THAP5: variants seen among roughly 807,000 people sequenced by gnomAD.
THAP5 encodes THAP domain containing 5, also known as THAP domain-containing protein 5.
Under a neutral mutation model 34.0 loss-of-function variants are expected in THAP5, and 26 were observed. The observed-to-expected ratio is 0.77, with a 90% CI of 0.56 to 1.06. THAP5 has a LOEUF of 1.06. Among genes scored for constraint, THAP5 ranks in the 50% least tolerant of loss-of-function variants. The pLI is 0.00. For missense variants in THAP5, 394 were observed against 452.8 expected (o/e 0.87, Z 1.18); for synonymous variants, 125 against 153.0 (o/e 0.82, Z 1.35).
chr7:108,545,302 T>C, the THAP5 span, among the ~76,000 whole-genome samples: 1 of 152,252 alleles, frequency 6.6e-6, no homozygotes, highest in South Asian at 2.1e-4. Context: ...TTTTCATGTC[T>C]AATAGATTAG....
At chr7:108,558,381 G>GTGTATATATATA (rs1321603472), downstream of THAP5, among the ~76,000 whole-genome samples, 18 of 93,820 alleles carry the variant, frequency 1.9e-4, no homozygotes, top group Non-Finnish European at 3.5e-4. Flanking sequence ...GTGTGTGTAT[G>GTGTATATATATA]TATATATATA....
In THAP5 at chr7:108,564,528, G is replaced by C. The variant is rs746472435; in HGVS notation, c.851C>G (p.Ser284Ter). ...IFVPAENSKP[S>*]VNSFISAQKE... ...TTGTGCAGATATAAAAGAATTAACTGAGGGTTTAGAATTTTCAGCAGGTAC... is the reference window on the plus strand; with the variant it reads ...TTGTGCAGATATAAAAGAATTAACTCAGGGTTTAGAATTTTCAGCAGGTAC... The change falls in exon 3 of 3, where the codon TCA becomes TGA. Residue 284 changes from serine (S) to a stop codon, truncating the protein, a stop_gained. Transcript: ENST00000415914. LOFTEE classifies it high-confidence loss of function. 5 of 1,613,718 alleles carry C rather than the reference G, an allele frequency of 3.1e-6. No individual in the cohort carries two copies. Among genetic ancestry groups the C allele is most frequent in the Admixed American group, 1.7e-5 (1 of 59,966 alleles).
intron 1 of THAP5, 135 bp downstream of exon 1, chr7:108,569,355 C>G (rs1327083695): frequency 9.3e-6 from 14 of 1,500,594 alleles, no homozygotes; most frequent in Non-Finnish European, 1.2e-5. Flanking sequence ...TTCCCTCCGT[C>G]TTGCCGCGGG....
downstream of THAP5, among the ~76,000 whole-genome samples, chr7:108,560,120 ATGT>A (rs1864415967): frequency 6.6e-6 from 1 of 152,178 alleles, no homozygotes; most frequent in African/African-American, 2.4e-5. Context: ...ATAAGATTAC[ATGT>A]TGTCTTGTAC....
downstream of THAP5, among the ~76,000 whole-genome samples, chr7:108,558,415 T>TATATATATA (rs1554694595): frequency 1.6e-4 from 10 of 61,178 alleles, no homozygotes; most frequent in African/African-American, 3.4e-4. Context: ...ATATATATAT[T>TATATATATA]TAGACAGAGT....
intron 1 of THAP5, among the ~76,000 whole-genome samples, chr7:108,556,891 T>G (rs1274190560): frequency 2.6e-5 from 4 of 152,266 alleles, no homozygotes; most frequent in Non-Finnish European, 5.9e-5. Context: ...TGCAGCAGAC[T>G]TCTGCCTGGA....
the THAP5 span, among the ~76,000 whole-genome samples, chr7:108,544,897 AG>A: frequency 6.6e-6 from 1 of 152,146 alleles, no homozygotes; most frequent in Non-Finnish European, 1.5e-5. Context: ...GGGCTCAAGC[AG>A]TCTGCTAGTC....
chr7:108,549,376 T>C, the THAP5 span, among the ~76,000 whole-genome samples: 1 of 152,160 alleles, frequency 6.6e-6, no homozygotes, highest in African/African-American at 2.4e-5. Context: ...CGCCTCGGCC[T>C]CCCAAAGTGC....
downstream of THAP5, among the ~76,000 whole-genome samples, chr7:108,558,381 G>GTATATATATA (rs66806128): frequency 5.1e-3 from 482 of 93,784 alleles, 8 homozygotes; most frequent in East Asian, 0.016. Flanking sequence ...GTGTGTGTAT[G>GTATATATATA]TATATATATA....
intron 2 of THAP5, 61 bp from the exon 3 acceptor site, chr7:108,565,166 G>T: frequency 7.6e-7 from 1 of 1,317,104 alleles, no homozygotes; most frequent in Non-Finnish European, 1.0e-6. Flanking sequence ...TTATGCTAGT[G>T]CTATTTAATT....
In THAP5 at chr7:108,564,770, T is replaced by C. The variant is rs1790447378; in HGVS notation, c.609A>G (p.Thr203=). ...FHTCFENLNS[T]TITLTTSNSE... The stretch of plus-strand genomic sequence containing the variant: ...AATTTGAAGTTGTCAAAGTAATAGT[T>C]GTAGAATTTAGATTCTCAAAACATG... Residue 203 remains threonine (T), a synonymous_variant, in exon 3 of 3, where the codon ACA becomes ACG. Transcript: ENST00000415914. 3 of 1,613,258 alleles carry C rather than the reference T, an allele frequency of 1.9e-6. No homozygotes were observed. The highest frequency in any genetic ancestry group is 1.7e-5 in the Admixed American group (1 of 59,962).
At chr7:108,543,075 T>G in the THAP5 span, among the ~76,000 whole-genome samples, 3 of 151,778 alleles carry the variant, frequency 2.0e-5, no homozygotes, top group Non-Finnish European at 4.4e-5. Flanking sequence ...TACAGGTGCC[T>G]GTCACCACGC....
intron 1 of THAP5, among the ~76,000 whole-genome samples, chr7:108,556,820 C>T (rs1179433455): frequency 6.6e-6 from 1 of 152,242 alleles, no homozygotes; most frequent in African/African-American, 2.4e-5. Flanking sequence ...TGTGGGGGCT[C>T]CAACTCCACA....
downstream of THAP5, among the ~76,000 whole-genome samples, chr7:108,558,383 A>ATG (rs1201119622): frequency 1.6e-4 from 3 of 18,794 alleles, no homozygotes; most frequent in Admixed American, 7.7e-4. Flanking sequence ...GTGTGTATGT[A>ATG]TATATATATA....
At chr7:108,556,224 G>T (rs138922182) in intron 1 of THAP5, among the ~76,000 whole-genome samples, 1 of 152,106 alleles carries the variant, frequency 6.6e-6, no homozygotes, top group South Asian at 2.1e-4. Context: ...ATATCATTCT[G>T]CCCCTTGCCC....
downstream of THAP5, among the ~76,000 whole-genome samples, chr7:108,558,379 ATG>A (rs1282453574): frequency 2.4e-5 from 2 of 84,248 alleles, no homozygotes; most frequent in African/African-American, 1.0e-4. Flanking sequence ...GTGTGTGTGT[ATG>A]TATATATATA....
chr7:108,554,620 G>A (rs1371011785), exon 2 of THAP5: 2 of 152,130 alleles, frequency 1.3e-5, no homozygotes, highest in African/African-American at 4.8e-5. Context: ...AAATGACTAT[G>A]GTAAGCAATT....
At chr7:108,542,165 T>C in the THAP5 span, among the ~76,000 whole-genome samples, 4 of 152,198 alleles carry the variant, frequency 2.6e-5, no homozygotes, top group Admixed American at 6.5e-5. Context: ...TTAGGATCTA[T>C]ATCTATATCT....
At chr7:108,544,672 T>G in the THAP5 span, among the ~76,000 whole-genome samples, 1 of 152,016 alleles carries the variant, frequency 6.6e-6, no homozygotes, top group Admixed American at 6.6e-5. Flanking sequence ...ATTAATTAAT[T>G]ATGAGACAGG....
Sources: gnomAD v4.1 joint callset for allele counts (sites outside exome capture counted in the v4.1 genomes callset) on GRCh38, gnomAD v4.1.1 for gene constraint, MANE v1.5 for transcripts, NCBI Gene and HGNC (gene_info 2026-07-23, HGNC 2026-07-21) for gene names.